The following LIMCH1 variants were observed in gnomAD, a reference collection of about 807,000 sequenced individuals.
The protein encoded by LIMCH1 is LIM and calponin homology domains 1.
In LIMCH1, 113 loss-of-function variants were observed where a neutral mutation model predicts 176.5. That is an observed-to-expected ratio of 0.64 (90% CI 0.55 to 0.75). LIMCH1 has a LOEUF of 0.75. Among genes scored for constraint, LIMCH1 ranks in the 30% least tolerant of loss-of-function variants. The pLI is 0.00. For synonymous variants in LIMCH1, 619 were observed against 645.9 expected, an observed-to-expected ratio of 0.96 and a Z score of 0.63; for missense variants, 1,674 against 1,814.9, an observed-to-expected ratio of 0.92 and a Z score of 1.41.
chr4:41,602,072 G>GGTGT lies in LIMCH1; in HGVS notation c.-133-1782_-133-1779dup, dbSNP rs141117600. Among the ~76,000 whole-genome samples the GGTGT allele has an allele frequency of 2.8e-3, 394 of 141,114 alleles. 1 individual carries two copies. Among genetic ancestry groups the GGTGT allele is most frequent in the African/African-American group, 9.4e-3 (358 of 38,190 alleles). 92.6% of individuals were successfully genotyped at this position (141,114 alleles called of 152,430 possible). A position where few individuals can be genotyped will look rare whatever the true frequency, so the allele number is the denominator to read the frequency against. ...TCATGATAGGCAGTTTTTCTTGTGTGGTGTGTGTGTGTGTGTGTGTGTGTT... is the reference window on the plus strand; with the variant it reads ...TCATGATAGGCAGTTTTTCTTGTGTGGTGTGTGTGTGTGTGTGTGTGTGTGTGTT... On this transcript the variant is annotated intron_variant, in intron 2 of 31. Transcript: ENST00000503057.
At chr4:41,460,455 C>CATATATATATATAT (rs1302547339) in intron 1 of LIMCH1, among the ~76,000 whole-genome samples, 1,447 of 92,038 alleles carry the variant, frequency 0.016, 49 homozygotes, top group Middle Eastern at 0.021. Context: ...CTATAGTAAT[C>CATATATATATATAT]ATCTATATAT....
intron 1 of LIMCH1, among the ~76,000 whole-genome samples, chr4:41,425,324 A>G (rs2060976188): frequency 6.6e-6 from 1 of 151,928 alleles, no homozygotes; most frequent in Non-Finnish European, 1.5e-5. Flanking sequence ...CTTGGTTTCC[A>G]CCCTTGCTTT....
At chr4:41,470,574 TCTC>T (rs1358659813) in intron 1 of LIMCH1, among the ~76,000 whole-genome samples, 1 of 152,154 alleles carries the variant, frequency 6.6e-6, no homozygotes, top group Non-Finnish European at 1.5e-5. Flanking sequence ...AGTGTACACT[TCTC>T]CTCACCATTC....
intron 1 of LIMCH1, among the ~76,000 whole-genome samples, chr4:41,481,643 G>T (rs1205152926): frequency 6.6e-6 from 1 of 152,088 alleles, no homozygotes; most frequent in Non-Finnish European, 1.5e-5. Context: ...TAGTGTCATA[G>T]CGTAGAGACA....
At chr4:41,435,140 GA>G (rs2061952946) in intron 1 of LIMCH1, among the ~76,000 whole-genome samples, 1 of 152,166 alleles carries the variant, frequency 6.6e-6, no homozygotes, top group South Asian at 2.1e-4. Flanking sequence ...ATAAGAGGGG[GA>G]CTGGACATCA....
At chr4:41,560,390 C>A (rs2081912340) in intron 1 of LIMCH1, among the ~76,000 whole-genome samples, 1 of 152,160 alleles carries the variant, frequency 6.6e-6, no homozygotes, top group Admixed American at 6.6e-5. Flanking sequence ...CAGGGCCACA[C>A]AAGTCTGACT....
chr4:41,456,506 A>G (rs779362242), intron 1 of LIMCH1, among the ~76,000 whole-genome samples: 5 of 152,172 alleles, frequency 3.3e-5, no homozygotes, highest in African/African-American at 1.2e-4. Context: ...TATGCCCTTG[A>G]CCATCTTCTT....
chr4:41,661,209 G>A (rs1187739653), intron 18 of LIMCH1, among the ~76,000 whole-genome samples: 1 of 152,198 alleles, frequency 6.6e-6, no homozygotes, highest in East Asian at 1.9e-4. Context: ...AGGAGGTTTG[G>A]TGAGATGGTG....
intron 1 of LIMCH1, among the ~76,000 whole-genome samples, chr4:41,392,520 T>C (rs1402904599): frequency 1.3e-5 from 2 of 152,200 alleles, no homozygotes; most frequent in Non-Finnish European, 2.9e-5. Context: ...CAAGGGATGC[T>C]GTTTGCTTAC....
At chr4:41,477,753 G>A (rs4861113) in intron 1 of LIMCH1, among the ~76,000 whole-genome samples, 70,458 of 152,034 alleles carry the variant, frequency 0.46, 20,042 homozygotes, top group African/African-American at 0.81. Context: ...GAGGGGCACT[G>A]CGGTCAGTCC....
intron 1 of LIMCH1, among the ~76,000 whole-genome samples, chr4:41,375,012 C>T (rs531673454): frequency 1.3e-5 from 2 of 152,316 alleles, no homozygotes; most frequent in Admixed American, 1.3e-4. Context: ...ATGCTGGCTG[C>T]TACCCAACAG....
chr4:41,653,188 TA>T lies in LIMCH1; in HGVS notation c.3036+2581del, dbSNP rs1304214689. 5.3e-5 allele frequency among the ~76,000 whole-genome samples: 8 copies of T among 152,330 alleles called. No homozygotes were observed. The East Asian group carries it at 1.5e-3, about 29-fold the overall frequency. Reference sequence around the variant, plus strand: ...CATCATACTCACATGCAACTTAGGATACCACAAGTTTTCCATTCAGAGTGTG... The same window carrying T: ...CATCATACTCACATGCAACTTAGGATCCACAAGTTTTCCATTCAGAGTGTG... On this transcript the variant is annotated intron_variant, in intron 18 of 31. Coordinates refer to ENST00000503057, the MANE Select transcript of LIMCH1 (RefSeq NM_001330672.2).
intron 31 of LIMCH1, among the ~76,000 whole-genome samples, chr4:41,693,621 G>T (rs895089141): frequency 6.6e-6 from 1 of 150,890 alleles, no homozygotes; most frequent in African/African-American, 2.4e-5. Context: ...AACATATATA[G>T]TACATGTATA....
At chr4:41,447,209 T>A (rs1320595085) in intron 1 of LIMCH1, among the ~76,000 whole-genome samples, 1 of 152,198 alleles carries the variant, frequency 6.6e-6, no homozygotes, top group Non-Finnish European at 1.5e-5. Context: ...CACTCCAGCC[T>A]GAGTGATAGA....
chr4:41,607,753 G>C (rs1397534271), intron 4 of LIMCH1, among the ~76,000 whole-genome samples: 1 of 152,170 alleles, frequency 6.6e-6, no homozygotes, highest in African/African-American at 2.4e-5. Flanking sequence ...AAAATGACCT[G>C]TTGTTAACAG....
intron 30 of LIMCH1, among the ~76,000 whole-genome samples, chr4:41,690,824 C>T (rs2153082394): frequency 6.6e-6 from 1 of 152,216 alleles, no homozygotes; most frequent in South Asian, 2.1e-4. Flanking sequence ...ACCAGAGTTT[C>T]CTAAGTTTTA....
intron 2 of LIMCH1, among the ~76,000 whole-genome samples, chr4:41,507,269 C>T (rs977853639): frequency 2.6e-5 from 4 of 152,108 alleles, no homozygotes; most frequent in Admixed American, 6.5e-5. Context: ...GGATTGAAAC[C>T]GGGATTTTTA....
intron 1 of LIMCH1, among the ~76,000 whole-genome samples, chr4:41,466,262 G>T (rs2066103801): frequency 6.6e-6 from 1 of 152,104 alleles, no homozygotes. Flanking sequence ...CATCCAGTCT[G>T]GCTCTTCTTA....
At chr4:41,466,688 A>C (rs1049196216) in intron 1 of LIMCH1, among the ~76,000 whole-genome samples, 5 of 152,214 alleles carry the variant, frequency 3.3e-5, no homozygotes, top group African/African-American at 7.2e-5. Context: ...CAGGTTGTTC[A>C]GTACATATTT....
Sources: allele counts gnomAD v4.1 joint callset (sites outside exome capture counted in the v4.1 genomes callset), GRCh38; gene constraint gnomAD v4.1.1; transcripts MANE v1.5; gene names NCBI Gene and HGNC (gene_info 2026-07-23, HGNC 2026-07-21).